The following NDUFAF6 variants were observed in gnomAD, a reference collection of about 807,000 sequenced individuals.
The protein encoded by NDUFAF6 is NADH dehydrogenase (ubiquinone) complex I, assembly factor 6.
In NDUFAF6, 45 loss-of-function variants were observed where a neutral mutation model predicts 40.8. The observed-to-expected ratio is 1.10, with a 90% CI of 0.87 to 1.42. The LOEUF is 1.42. Ranked by LOEUF, NDUFAF6 falls within the 40% of genes most tolerant of loss-of-function variation. The pLI, the probability that NDUFAF6 is intolerant of heterozygous loss-of-function variation, is 0.00. For synonymous variants in NDUFAF6, 185 were observed against 155.9 expected (o/e 1.19, Z -1.39); for missense variants, 435 against 418.5 (o/e 1.04, Z -0.34).
At chr8:94,941,028 CAGG>C (rs1586738120) in intron 1 of NDUFAF6, 6 of 964,732 alleles carry the variant, frequency 6.2e-6, no homozygotes, top group East Asian at 2.4e-5. Flanking sequence ...ATGGTACCGA[CAGG>C]AGATTAAAGT....
chr8:94,985,206 T>C (rs1486043984), intron 2 of NDUFAF6, among the ~76,000 whole-genome samples: 1 of 151,818 alleles, frequency 6.6e-6, no homozygotes, highest in Admixed American at 6.6e-5. Context: ...TGTGTGACAC[T>C]GTGAGCACTG....
Position 94,941,138 on chromosome 8 carries a change from T to C in NDUFAF6, c.-935-4345T>C, listed in dbSNP as rs1586738526. ...AAGTTATTTCAAATCAGCATGCACA[T>C]ATATACATAAGTACATACACATACA... On this transcript the variant is annotated intron_variant, in intron 1 of 14. Transcript: ENST00000396113. 2.3e-5 allele frequency: 13 copies of C among 570,590 alleles called. No homozygotes were observed. The East Asian group carries it at 3.5e-4, about 15-fold the overall frequency. The allele number at this position is 570,590 out of a possible 1,614,324, so 35.3% of individuals were successfully genotyped here.
At chr8:95,097,189 GC>G (rs918222989), upstream of NDUFAF6, among the ~76,000 whole-genome samples, 8 of 152,314 alleles carry the variant, frequency 5.3e-5, no homozygotes, top group African/African-American at 1.9e-4. Flanking sequence ...AATACATGAT[GC>G]CCCTGGCCTC....
chr8:95,106,766 G>A (rs2132082334), downstream of NDUFAF6, among the ~76,000 whole-genome samples: 1 of 152,086 alleles, frequency 6.6e-6, no homozygotes, highest in Admixed American at 6.5e-5. Context: ...AATCTACAAG[G>A]AGCTTAAACA....
At chr8:94,978,090 C>T (rs186734461) in intron 1 of NDUFAF6, among the ~76,000 whole-genome samples, 54 of 152,204 alleles carry the variant, frequency 3.5e-4, no homozygotes, top group Non-Finnish European at 6.6e-4. Context: ...ATTAATAATT[C>T]GGCAACTCTT....
At chr8:95,026,988 A>C (rs112458807) in intron 1 of NDUFAF6, among the ~76,000 whole-genome samples, 5,528 of 152,244 alleles carry the variant, frequency 0.036, 144 homozygotes, top group Middle Eastern at 0.088. Flanking sequence ...TGAGGCTGCT[A>C]TGAGCCGAGT....
chr8:94,959,986 C>G (rs1459176320), intron 1 of NDUFAF6, among the ~76,000 whole-genome samples: 5 of 152,214 alleles, frequency 3.3e-5, no homozygotes, highest in Admixed American at 1.3e-4. Flanking sequence ...TACAAACTCT[C>G]TTATCACAGC....
At chr8:94,960,209 C>T (rs1823451898) in intron 1 of NDUFAF6, among the ~76,000 whole-genome samples, 2 of 152,210 alleles carry the variant, frequency 1.3e-5, no homozygotes, top group South Asian at 4.1e-4. Flanking sequence ...CTGTATACTT[C>T]ATCCATTGAA....
At chr8:94,896,778 G>C (rs1174382572) in intron 1 of NDUFAF6, 1 of 152,160 alleles carries the variant, frequency 6.6e-6, no homozygotes, top group Non-Finnish European at 1.5e-5. Flanking sequence ...TTGAGGCCCG[G>C]GAAATAGCCG....
At chr8:94,955,165 G>A (rs562107688), upstream of NDUFAF6, among the ~76,000 whole-genome samples, 208 of 152,334 alleles carry the variant, frequency 1.4e-3, no homozygotes, top group Middle Eastern at 0.02. Context: ...TTTGGTAAGT[G>A]TGTGTTCTTA....
chr8:95,027,020 G>A (rs1435067400), intron 1 of NDUFAF6, among the ~76,000 whole-genome samples: 1 of 152,010 alleles, frequency 6.6e-6, no homozygotes, highest in Admixed American at 6.6e-5. Flanking sequence ...CACTCCAGCT[G>A]GGGCAACAGA....
At chr8:95,073,007 A>T (rs1292612445) in intron 9 of NDUFAF6, 1 of 153,200 alleles carries the variant, frequency 6.5e-6, no homozygotes, top group Non-Finnish European at 1.5e-5. Flanking sequence ...CTTTTCTTAC[A>T]ACTTCTGGAG....
chr8:95,005,491 ACT>A (rs1273701632), intron 2 of NDUFAF6, among the ~76,000 whole-genome samples: 2 of 141,426 alleles, frequency 1.4e-5, no homozygotes, highest in African/African-American at 5.4e-5. Flanking sequence ...TTACTTTAGA[ACT>A]CTGAGCTCCT....
At chr8:95,082,938 C>T (rs189475488) in intron 2 of NDUFAF6, among the ~76,000 whole-genome samples, 162 of 150,880 alleles carry the variant, frequency 1.1e-3, no homozygotes, top group Admixed American at 1.9e-3. Context: ...GGATTACAGA[C>T]GTGAGTTGTT....
intron 1 of NDUFAF6, among the ~76,000 whole-genome samples, chr8:94,922,160 A>T (rs1171930284): frequency 1.3e-5 from 2 of 151,962 alleles, no homozygotes; most frequent in African/African-American, 2.4e-5. Flanking sequence ...AGCATGTGCC[A>T]CCACGCCCGG....
At chr8:94,922,025 C>T (rs1028876849) in intron 1 of NDUFAF6, among the ~76,000 whole-genome samples, 4 of 152,056 alleles carry the variant, frequency 2.6e-5, no homozygotes, top group Admixed American at 1.3e-4. Context: ...TTTTTTGAGA[C>T]GGAGTCTCAC....
intron 2 of NDUFAF6, among the ~76,000 whole-genome samples, chr8:94,999,612 T>C (rs937523676): frequency 1.3e-5 from 2 of 151,976 alleles, no homozygotes; most frequent in East Asian, 3.9e-4. Flanking sequence ...AGACAGGGTT[T>C]TGCTATGTTG....
rs529106760 is a variant in NDUFAF6, at chr8:95,012,420, C to T, written c.-83-19575C>T. On this transcript the variant is annotated intron_variant, in intron 2 of 9. Transcript: ENST00000396111. ...TCCAGTGAAAGCATCAGAGGAAAGACAGATAACCTGATAAAGCTACACACA... is the reference window on the plus strand; with the variant it reads ...TCCAGTGAAAGCATCAGAGGAAAGATAGATAACCTGATAAAGCTACACACA... 4.6e-5 allele frequency among the ~76,000 whole-genome samples: 7 copies of T among 152,290 alleles called. No individual in the cohort carries two copies. The South Asian group carries it at 1.4e-3, about 32-fold the overall frequency.
At chr8:95,053,125 C>A (rs1181728480) in intron 8 of NDUFAF6, among the ~76,000 whole-genome samples, 1 of 152,244 alleles carries the variant, frequency 6.6e-6, no homozygotes, top group East Asian at 1.9e-4. Flanking sequence ...CCCTTCACAC[C>A]CTCTGTCTTA....
Sources: allele counts gnomAD v4.1 joint callset (sites outside exome capture counted in the v4.1 genomes callset), GRCh38; gene constraint gnomAD v4.1.1; transcripts MANE v1.5; gene names NCBI Gene and HGNC (gene_info 2026-07-23, HGNC 2026-07-21).